OR1J2: variants seen among roughly 807,000 people sequenced by gnomAD.
OR1J2 encodes the protein olfactory receptor family 1 subfamily J member 2.
For synonymous variants in OR1J2, 142 were observed against 99.7 expected (o/e 1.42, Z -2.52); for missense variants, 304 against 246.1 (o/e 1.24, Z -1.57).
the OR1J2 span, among the ~76,000 whole-genome samples, chr9:122,572,160 AGT>A: frequency 6.6e-6 from 1 of 152,202 alleles, no homozygotes; most frequent in Non-Finnish European, 1.5e-5. Flanking sequence ...CACCAGTGAC[AGT>A]GCTAAACCAT....
chr9:122,493,302 A>G, the OR1J2 span, among the ~76,000 whole-genome samples: 3,056 of 152,102 alleles, frequency 0.02, 31 homozygotes, highest in Non-Finnish European at 0.033. Context: ...TGAATGTCTG[A>G]TAGAGTTGAG....
chr9:122,466,190 A>G, the OR1J2 span, among the ~76,000 whole-genome samples: 6 of 152,304 alleles, frequency 3.9e-5, no homozygotes, highest in East Asian at 1.2e-3. Context: ...AAAGACTATG[A>G]CAGAGCCTGA....
the OR1J2 span, chr9:122,471,335 T>A: frequency 2.0e-5 from 3 of 152,280 alleles, no homozygotes; most frequent in African/African-American, 7.2e-5. Context: ...ATCTTCCTCG[T>A]CTTCTCTTGC....
At chr9:122,549,545 G>A in the OR1J2 span, among the ~76,000 whole-genome samples, 7 of 152,136 alleles carry the variant, frequency 4.6e-5, no homozygotes, top group Non-Finnish European at 8.8e-5. Flanking sequence ...TGTATATGGT[G>A]AGAAATATGG....
the OR1J2 span, chr9:122,526,232 C>A: frequency 4.2e-6 from 2 of 474,330 alleles, no homozygotes; most frequent in Non-Finnish European, 7.3e-6. Flanking sequence ...ATGAGAAAAC[C>A]AAGGCTCAGA....
the OR1J2 span, among the ~76,000 whole-genome samples, chr9:122,562,275 G>A: frequency 2.0e-5 from 3 of 152,274 alleles, no homozygotes; most frequent in African/African-American, 7.2e-5. Flanking sequence ...AGCAGTCCCA[G>A]TGTTGGCTGC....
chr9:122,458,356 A>G, the OR1J2 span, among the ~76,000 whole-genome samples: 9 of 152,172 alleles, frequency 5.9e-5, no homozygotes, highest in Non-Finnish European at 1.2e-4. Context: ...GCTAAAGTCT[A>G]GTTTTCTGTA....
At chr9:122,519,080 A>G in the OR1J2 span, 1 of 1,162,086 alleles carries the variant, frequency 8.6e-7, no homozygotes, top group Non-Finnish European at 1.2e-6. Context: ...GTAAATCAAC[A>G]TTTGTTTGTT....
the OR1J2 span, among the ~76,000 whole-genome samples, chr9:122,548,593 A>T: frequency 6.6e-6 from 1 of 151,434 alleles, no homozygotes; most frequent in Non-Finnish European, 1.5e-5. Flanking sequence ...AAATTTTTAT[A>T]TATATATATT....
chr9:122,504,517 A>G, the OR1J2 span, among the ~76,000 whole-genome samples: 3 of 152,090 alleles, frequency 2.0e-5, no homozygotes, highest in African/African-American at 4.8e-5. Flanking sequence ...TCAAAATATG[A>G]AGAGGCCTAC....
At chr9:122,453,128 C>G in the OR1J2 span, among the ~76,000 whole-genome samples, 1 of 152,214 alleles carries the variant, frequency 6.6e-6, no homozygotes, top group South Asian at 2.1e-4. Flanking sequence ...CTTTGCCTTC[C>G]ACTATGAGTA....
At chr9:122,464,994 C>T in the OR1J2 span, among the ~76,000 whole-genome samples, 35,925 of 151,924 alleles carry the variant, frequency 0.24, 4,751 homozygotes, top group East Asian at 0.38. Context: ...CTGCTTGATT[C>T]TTTTCTTCCT....
the OR1J2 span, among the ~76,000 whole-genome samples, chr9:122,527,841 C>T: frequency 3.0e-4 from 45 of 152,192 alleles, no homozygotes; most frequent in African/African-American, 1.0e-3. Flanking sequence ...CTGTAGCTAA[C>T]GCATATTACA....
the OR1J2 span, chr9:122,567,649 C>T: frequency 1.2e-6 from 2 of 1,614,002 alleles, no homozygotes; most frequent in Non-Finnish European, 1.7e-6. Flanking sequence ...ACTGTGTAAA[C>T]AATTGTTGCC....
chr9:122,459,418 A>C, the OR1J2 span, among the ~76,000 whole-genome samples: 1 of 152,222 alleles, frequency 6.6e-6, no homozygotes, highest in Non-Finnish European at 1.5e-5. Flanking sequence ...AATTGCAATA[A>C]TTCCGATAAG....
At chr9:122,447,823 C>G in the OR1J2 span, among the ~76,000 whole-genome samples, 1 of 152,104 alleles carries the variant, frequency 6.6e-6, no homozygotes, top group Admixed American at 6.6e-5. Context: ...ATACATACAA[C>G]AGACAAGATA....
upstream of OR1J2, among the ~76,000 whole-genome samples, chr9:122,507,119 G>T (rs1170936813): frequency 6.6e-6 from 1 of 152,168 alleles, no homozygotes; most frequent in Non-Finnish European, 1.5e-5. Context: ...GGTTTCAAGG[G>T]TCTGTTTGTT....
the OR1J2 span, among the ~76,000 whole-genome samples, chr9:122,573,398 G>A: frequency 5.3e-5 from 8 of 152,230 alleles, no homozygotes; most frequent in Non-Finnish European, 1.2e-4. Context: ...ATTTATGTGA[G>A]TGAATATTTT....
chr9:122,561,675 G>A, the OR1J2 span, among the ~76,000 whole-genome samples: 2 of 152,104 alleles, frequency 1.3e-5, no homozygotes, highest in South Asian at 4.1e-4. Context: ...ATGTCACTGG[G>A]GGAAGCTGGA....
Sources: allele counts gnomAD v4.1 joint callset (sites outside exome capture counted in the v4.1 genomes callset), GRCh38; gene constraint gnomAD v4.1.1; transcripts MANE v1.5; gene names NCBI Gene and HGNC (gene_info 2026-07-23, HGNC 2026-07-21).